The following TEDC1 variants were observed in gnomAD, a reference collection of about 807,000 sequenced individuals.
TEDC1 encodes the protein tubulin epsilon and delta complex 1.
In TEDC1, 54 loss-of-function variants were observed where a neutral mutation model predicts 59.9. That is an observed-to-expected ratio of 0.90 (90% CI 0.72 to 1.13). The LOEUF is 1.13. Among genes scored for constraint, TEDC1 ranks in the 50% most tolerant of loss-of-function variants. The probability of loss-of-function intolerance (pLI) is 0.00; values close to 1 mark genes in which losing one functional copy is unlikely to be tolerated. For synonymous variants in TEDC1, 353 were observed against 298.1 expected (o/e 1.18, Z -1.90); for missense variants, 734 against 683.4 (o/e 1.07, Z -0.83).
Position 105,498,649 on chromosome 14 carries a change from T to C in TEDC1, c.1191T>C (p.Ser397=). ...GCTGTGGACGGGGGCCAGAGTGGAGTGCCGCGCGGCGGGCCTCTCGGGAGG... is the reference window on the plus strand; with the variant it reads ...GCTGTGGACGGGGGCCAGAGTGGAGCGCCGCGCGGCGGGCCTCTCGGGAGG... The part of the protein sequence containing the change: ...AGGCGRGPEW[S]AARRASREAV... The change falls in exon 9 of 9, where the codon AGT becomes AGC. Residue 397 remains serine, a synonymous_variant. Transcript: ENST00000392523. 6.4e-7 allele frequency: 1 copy of C among 1,553,294 alleles called. No homozygotes were observed. Among genetic ancestry groups the C allele is most frequent in the Non-Finnish European group, 8.7e-7 (1 of 1,149,128 alleles).
upstream of TEDC1, chr14:105,490,976 A>G (rs587758454): frequency 1.3e-4 from 196 of 1,499,484 alleles, 1 homozygote; most frequent in South Asian, 2.1e-3. Flanking sequence ...TCTCCATATC[A>G]ACAGCCCTGC....
At chr14:105,491,145 C>T (rs587645120), upstream of TEDC1, 5 of 1,550,672 alleles carry the variant, frequency 3.2e-6, no homozygotes, top group East Asian at 1.2e-4. Context: ...CTCGGGAGCG[C>T]GGTGATTGGG....
intron 6 of TEDC1, 24 bp downstream of exon 6, chr14:105,496,110 A>T: frequency 1.3e-6 from 1 of 751,856 alleles, no homozygotes; most frequent in Non-Finnish European, 1.6e-6. Flanking sequence ...GCTGGCAGGG[A>T]AGTGGAGACC....
chr14:105,490,169 G>C (rs1031542841), upstream of TEDC1: 2 of 151,098 alleles, frequency 1.3e-5, no homozygotes, highest in Non-Finnish European at 2.9e-5. Context: ...CTGGGGGGGG[G>C]GCCCCGAGGC....
At chr14:105,496,121 G>C in intron 6 of TEDC1, 35 bp downstream of exon 6, 7 of 1,226,048 alleles carry the variant, frequency 5.7e-6, no homozygotes, top group South Asian at 1.6e-5. Flanking sequence ...AGTGGAGACC[G>C]CAGGACTTGG....
At chr14:105,497,257 G>A in intron 6 of TEDC1, 100 bp from the exon 7 acceptor site, 1 of 1,170,832 alleles carries the variant, frequency 8.5e-7, no homozygotes, top group Admixed American at 2.0e-5. Context: ...CGTGAGCTAG[G>A]CGTTGGGCCG....
intron 2 of TEDC1, 124 bp downstream of exon 2, chr14:105,491,824 T>C: frequency 2.6e-6 from 3 of 1,158,590 alleles, no homozygotes; most frequent in Non-Finnish European, 3.6e-6. Context: ...CTGACCCCGC[T>C]TGCTCCTCAA....
intron 2 of TEDC1, among the ~76,000 whole-genome samples, 198 bp from the exon 3 acceptor site, chr14:105,491,909 C>G (rs1555439473): frequency 1.3e-5 from 2 of 152,252 alleles, no homozygotes; most frequent in Admixed American, 6.5e-5. Context: ...CTGGCTTCTG[C>G]TCCTACAAAG....
intron 1 of TEDC1, 33 bp downstream of exon 1, chr14:105,491,555 TG>T: frequency 6.6e-7 from 1 of 1,524,456 alleles, no homozygotes; most frequent in Admixed American, 2.0e-5. Flanking sequence ...GCGGGCCGGG[TG>T]GGGTCCCGGG....
chr14:105,497,282 G>A lies in TEDC1; in HGVS notation c.892-75G>A. 1.4e-6 allele frequency: 2 copies of A among 1,424,812 alleles called. 1 individual carries two copies. The highest frequency in any genetic ancestry group is 1.9e-6 in the Non-Finnish European group (2 of 1,039,106). 88.3% of individuals were successfully genotyped at this position (1,424,812 alleles called of 1,614,324 possible). On this transcript the variant is annotated intron_variant, in intron 6 of 8. Transcript: ENST00000392523. ...GCGTTGGGCCGGGTGTCGGCGCTGG[G>A]TCCAGCTGTCCATCCGACTGTCTGT...
rs1162296252 is a variant in TEDC1 at position 105,491,641 on chromosome 14, T to A, written c.167T>A (p.Leu56His). ...CCGCAGACCTCCGCGCTCTGGCAGCTCCTCTTCCGTGTGCTCTCGCCACTC... is the reference window on the plus strand; with the variant it reads ...CCGCAGACCTCCGCGCTCTGGCAGCACCTCTTCCGTGTGCTCTCGCCACTC... ...RPEATSALWQ[L>H]LFRVLSPLPA... The change falls in exon 2 of 9, where the codon CTC (leucine) becomes CAC (histidine). Residue 56 changes from leucine (L) to histidine (H), a missense_variant. Coordinates refer to ENST00000392523, the MANE Select transcript of TEDC1 (RefSeq NM_001367178.1). 2 of 1,549,538 alleles carry A rather than the reference T, an allele frequency of 1.3e-6. No homozygotes were observed. Among genetic ancestry groups the A allele is most frequent in the Admixed American group, 2.0e-5 (1 of 50,974 alleles).
chr14:105,490,667 G>A (rs1043780406), upstream of TEDC1: 13 of 164,750 alleles, frequency 7.9e-5, no homozygotes, highest in African/African-American at 2.9e-4. Context: ...CGGGGCGGGG[G>A]AGCTGCCCGG....
intron 5 of TEDC1, 82 bp downstream of exon 5, chr14:105,494,015 T>TG (rs75729586): frequency 0.33 from 52,648 of 157,524 alleles, 7,073 homozygotes; most frequent in East Asian, 0.51. Flanking sequence ...GGGAGGGGCC[T>TG]GGGGGCGGGG....
At chr14:105,497,252 G>A (rs1378593594) in intron 6 of TEDC1, 105 bp from the exon 7 acceptor site, 5 of 1,127,896 alleles carry the variant, frequency 4.4e-6, no homozygotes, top group Non-Finnish European at 6.5e-6. Context: ...CGGGGCGTGA[G>A]CTAGGCGTTG....
At chr14:105,492,376 G>A (rs781993743) in intron 3 of TEDC1, 67 bp downstream of exon 3, 149 of 1,570,916 alleles carry the variant, frequency 9.5e-5, no homozygotes, top group Non-Finnish European at 2.2e-5. Flanking sequence ...GCAAGGGCAG[G>A]CCTGGGTCAG....
upstream of TEDC1, chr14:105,491,228 C>A (rs1237983527): frequency 2.6e-6 from 4 of 1,540,992 alleles, no homozygotes; most frequent in South Asian, 1.2e-5. Context: ...GGACCCGGCC[C>A]GTGCCATGAT....
rs139986633 is a variant in TEDC1, at chr14:105,498,860, C to T, written c.1402C>T (p.Arg468Ter). Reference protein sequence around the residue: ...QEACLEAVLRRLQGQCRQELA... With the variant: ...QEACLEAVLR The stretch of plus-strand genomic sequence containing the variant: ...GGCCTGCCTGGAGGCGGTGCTACGT[C>T]GACTACAGGGACAGTGTCGGCAGGA... The change falls in exon 9 of 9, where the codon CGA (arginine) becomes TGA (stop). Residue 468 changes from arginine to a stop codon, truncating the protein, a stop_gained. Coordinates refer to ENST00000392523, the MANE Select transcript of TEDC1 (RefSeq NM_001367178.1). LOFTEE classifies it high-confidence loss of function. 179 of 1,611,748 alleles carry T rather than the reference C, an allele frequency of 1.1e-4. No individual in the cohort carries two copies. Among genetic ancestry groups the T allele is most frequent in the East Asian group, 2.7e-4 (12 of 44,844 alleles).
chr14:105,493,019 C>T (rs1282791468), intron 4 of TEDC1, among the ~76,000 whole-genome samples: 1 of 152,184 alleles, frequency 6.6e-6, no homozygotes, highest in African/African-American at 2.4e-5. Flanking sequence ...AGTGGACTTC[C>T]AGCTCTGTGA....
chr14:105,498,838 C>G lies in TEDC1; in HGVS notation c.1380C>G (p.Ala460=). The change falls in exon 9 of 9, where the codon GCC becomes GCG. Residue 460 remains alanine (A), a synonymous_variant. Coordinates refer to ENST00000392523, the MANE Select transcript of TEDC1 (RefSeq NM_001367178.1). ...VVIRTLRSQE[A]CLEAVLRRLQ... ...TCAGGACGCTGAGGAGCCAGGAGGC[C>G]TGCCTGGAGGCGGTGCTACGTCGAC... is the stretch of plus-strand genomic sequence containing the variant. The G allele has an allele frequency of 6.2e-7, 1 of 1,609,880 alleles. No homozygotes were observed.
Sources: gnomAD v4.1 joint callset for allele counts (sites outside exome capture counted in the v4.1 genomes callset) on GRCh38, gnomAD v4.1.1 for gene constraint, MANE v1.5 for transcripts, NCBI Gene and HGNC (gene_info 2026-07-23, HGNC 2026-07-21) for gene names.